RGS7: variants seen among roughly 807,000 people sequenced by gnomAD.
The protein encoded by RGS7 is regulator of G protein signaling 7.
In RGS7, 27 loss-of-function variants were observed where a neutral mutation model predicts 81.1. The observed-to-expected ratio is 0.33, with a 90% CI of 0.25 to 0.46. RGS7 has a LOEUF of 0.46. Among genes scored for constraint, RGS7 ranks in the 20% least tolerant of loss-of-function variants. The pLI, the probability that RGS7 is intolerant of heterozygous loss-of-function variation, is 1.00. For missense variants in RGS7, 396 were observed against 607.4 expected, an observed-to-expected ratio of 0.65 and a Z score of 3.66; for synonymous variants, 208 against 207.7, an observed-to-expected ratio of 1.00 and a Z score of -0.01.
chr1:241,318,131 G>C (rs1240332554), intron 2 of RGS7, among the ~76,000 whole-genome samples: 1 of 152,160 alleles, frequency 6.6e-6, no homozygotes, highest in Non-Finnish European at 1.5e-5. Flanking sequence ...GTCCTAACCA[G>C]AGAGTAATCA....
intron 3 of RGS7, among the ~76,000 whole-genome samples, chr1:241,063,255 G>A (rs968583600): frequency 1.3e-5 from 2 of 152,182 alleles, no homozygotes; most frequent in African/African-American, 4.8e-5. Flanking sequence ...GTTCTAAGGG[G>A]CAGGAGTATT....
intron 6 of RGS7, among the ~76,000 whole-genome samples, chr1:240,894,728 T>C (rs774593697): frequency 7.2e-5 from 11 of 152,128 alleles, no homozygotes; most frequent in Non-Finnish European, 1.2e-4. Flanking sequence ...ATTTAGATTA[T>C]TCTAATATAA....
intron 6 of RGS7, among the ~76,000 whole-genome samples, chr1:240,897,666 C>T (rs1024641728): frequency 6.6e-6 from 1 of 152,166 alleles, no homozygotes; most frequent in African/African-American, 2.4e-5. Flanking sequence ...TTTTGATGTG[C>T]TGCTGGATTC....
At chr1:240,865,836 A>T (rs551461684) in intron 9 of RGS7, among the ~76,000 whole-genome samples, 1 of 152,300 alleles carries the variant, frequency 6.6e-6, no homozygotes, top group African/African-American at 2.4e-5. Context: ...AGCTAACACT[A>T]CAGCCAGCAA....
intron 3 of RGS7, among the ~76,000 whole-genome samples, chr1:241,070,676 A>G (rs1486873404): frequency 6.6e-6 from 1 of 152,194 alleles, no homozygotes; most frequent in Non-Finnish European, 1.5e-5. Flanking sequence ...CAGCAAACCC[A>G]GAGACAGTGC....
chr1:241,301,619 C>A (rs1015600288), intron 2 of RGS7, among the ~76,000 whole-genome samples: 1 of 152,194 alleles, frequency 6.6e-6, no homozygotes, highest in African/African-American at 2.4e-5. Context: ...TCAAAAGAAC[C>A]AGCATCCTCA....
intron 2 of RGS7, among the ~76,000 whole-genome samples, chr1:241,230,339 G>T (rs895385617): frequency 1.5e-4 from 23 of 152,026 alleles, no homozygotes; most frequent in Non-Finnish European, 3.1e-4. Context: ...TCAGCCTCCT[G>T]AGTAGCTGGG....
At chr1:240,946,381 T>A (rs1210966852) in intron 4 of RGS7, among the ~76,000 whole-genome samples, 2 of 152,086 alleles carry the variant, frequency 1.3e-5, no homozygotes, top group Non-Finnish European at 2.9e-5. Context: ...ACTGAGAGGA[T>A]TGCTTGAGAC....
chr1:240,896,555 T>G lies in RGS7; in HGVS notation c.386-26436A>C, dbSNP rs377572839. On this transcript the variant is annotated intron_variant, in intron 6 of 18. Coordinates refer to ENST00000440928, the MANE Select transcript of RGS7 (RefSeq NM_001364886.1). Reference sequence around the variant, plus strand: ...TTAAATAGGGAATCCTTTCCCCATTTCTTGTTTTTGTCAGGTTTGTCAAAG... The same window carrying G: ...TTAAATAGGGAATCCTTTCCCCATTGCTTGTTTTTGTCAGGTTTGTCAAAG... Among the ~76,000 whole-genome samples, 8 of 152,270 alleles carry G rather than the reference T, an allele frequency of 5.3e-5. No homozygotes were observed. In the East Asian group the frequency reaches 1.5e-3, roughly 29 times the overall value.
intron 14 of RGS7, 84 bp from the exon 15 acceptor site, chr1:240,806,410 T>A: frequency 7.7e-7 from 1 of 1,300,854 alleles, no homozygotes. Context: ...ATGCAGTTCA[T>A]CATGACGACT....
At chr1:241,124,128 T>A (rs982386486) in intron 2 of RGS7, among the ~76,000 whole-genome samples, 3 of 151,920 alleles carry the variant, frequency 2.0e-5, no homozygotes, top group African/African-American at 7.3e-5. Flanking sequence ...GCATGGTAGC[T>A]CAAGCCTCTA....
chr1:241,280,303 C>T (rs927465214), intron 2 of RGS7, among the ~76,000 whole-genome samples: 1 of 152,116 alleles, frequency 6.6e-6, no homozygotes, highest in African/African-American at 2.4e-5. Flanking sequence ...CCTCCAGAGG[C>T]CAGAAGAGGG....
chr1:241,118,881 A>C (rs1183614103), intron 2 of RGS7, among the ~76,000 whole-genome samples: 3 of 152,152 alleles, frequency 2.0e-5, no homozygotes, highest in Non-Finnish European at 4.4e-5. Context: ...ATAGATACTG[A>C]GGACTCCAAA....
intron 3 of RGS7, among the ~76,000 whole-genome samples, chr1:240,998,107 A>C (rs1035581124): frequency 1.3e-5 from 2 of 152,184 alleles, no homozygotes; most frequent in African/African-American, 4.8e-5. Flanking sequence ...TCTTTTCAGC[A>C]GGAAAGGAAA....
chr1:241,205,082 T>C (rs1221116512), intron 2 of RGS7, among the ~76,000 whole-genome samples: 1 of 149,306 alleles, frequency 6.7e-6, no homozygotes, highest in Non-Finnish European at 1.5e-5. Flanking sequence ...TGTGATTTTT[T>C]TTTTTTTTTT....
Position 241,054,601 on chromosome 1 carries a change from G to A in RGS7, c.175+44065C>T, listed in dbSNP as rs144622893. Among the ~76,000 whole-genome samples, 168 of 152,224 alleles carry A rather than the reference G, an allele frequency of 1.1e-3. 1 individual carries two copies. The highest frequency in any genetic ancestry group is 3.6e-3 in the African/African-American group (149 of 41,534). ...TCCATATGTAATAGGTAATTCAAAC[G>A]TATAACATGTCCAAAATAGAACTTT... On this transcript the variant is annotated intron_variant, in intron 3 of 18. Transcript: ENST00000440928.
intron 2 of RGS7, among the ~76,000 whole-genome samples, chr1:241,246,670 T>C (rs1175754710): frequency 6.6e-6 from 1 of 152,046 alleles, no homozygotes; most frequent in Non-Finnish European, 1.5e-5. Flanking sequence ...CAATAAGGCA[T>C]TAGGCCAGAA....
At chr1:241,226,112 A>C (rs1237381006) in intron 2 of RGS7, among the ~76,000 whole-genome samples, 2 of 152,220 alleles carry the variant, frequency 1.3e-5, no homozygotes, top group Non-Finnish European at 2.9e-5. Context: ...ACCCAAGTTC[A>C]TAAAAATTCC....
At chr1:241,345,002 G>A (rs181760327) in intron 2 of RGS7, among the ~76,000 whole-genome samples, 17 of 152,268 alleles carry the variant, frequency 1.1e-4, no homozygotes, top group Non-Finnish European at 2.4e-4. Context: ...ATTAATAACA[G>A]ACTGGATAAA....
Sources: allele counts gnomAD v4.1 joint callset (sites outside exome capture counted in the v4.1 genomes callset), GRCh38; gene constraint gnomAD v4.1.1; transcripts MANE v1.5; gene names NCBI Gene and HGNC (gene_info 2026-07-23, HGNC 2026-07-21).